COL24A1: variants seen among roughly 807,000 people sequenced by gnomAD.
The protein encoded by COL24A1 is collagen alpha-1(XXIV) chain.
Under a neutral mutation model 253.9 loss-of-function variants are expected in COL24A1, and 224 were observed. The ratio of observed to expected loss-of-function variants is 0.88; its 90% CI spans 0.79 to 0.99. The LOEUF is 0.99. Among genes scored for constraint, COL24A1 ranks in the 50% least tolerant of loss-of-function variants. The pLI is 0.00. For missense variants in COL24A1, 2,131 were observed against 2,068.5 expected (o/e 1.03, Z -0.59); for synonymous variants, 685 against 673.7 (o/e 1.02, Z -0.26).
At chr1:86,022,422 T>C in intron 17 of COL24A1, 116 bp downstream of exon 17, 1 of 1,356,818 alleles carries the variant, frequency 7.4e-7, no homozygotes, top group South Asian at 1.2e-5. Context: ...AAACAAGAAC[T>C]TAAAACCATA....
At chr1:85,854,285 T>C (rs1678159378) in intron 37 of COL24A1, among the ~76,000 whole-genome samples, 1 of 152,156 alleles carries the variant, frequency 6.6e-6, no homozygotes, top group African/African-American at 2.4e-5. Flanking sequence ...GTTGTGTGGC[T>C]TTATTTCTCG....
intron 5 of COL24A1, among the ~76,000 whole-genome samples, chr1:86,110,868 G>T (rs1451909369): frequency 6.6e-6 from 1 of 150,828 alleles, no homozygotes; most frequent in African/African-American, 2.4e-5. Flanking sequence ...CCTCCCCAGT[G>T]GGGGCTCCAC....
In COL24A1 at chr1:85,842,403, A is replaced by G. The variant is rs1216472182; in HGVS notation, c.3463-10T>C. On this transcript the variant is annotated splice_polypyrimidine_tract_variant and intron_variant, in intron 39 of 59. Transcript: ENST00000370571. ...TCAATCCTAAATGTCCCTGAAAAACAAAGTAAATATTAGTGAGAGAGAGAA... is the reference window on the plus strand; with the variant it reads ...TCAATCCTAAATGTCCCTGAAAAACGAAGTAAATATTAGTGAGAGAGAGAA... The G allele has an allele frequency of 6.3e-7, 1 of 1,575,598 alleles. No individual in the cohort carries two copies. Among genetic ancestry groups the G allele is most frequent in the East Asian group, 2.2e-5 (1 of 44,632 alleles).
chr1:85,909,844 A>G (rs1206712795), intron 26 of COL24A1, 106 bp downstream of exon 26: 2 of 907,156 alleles, frequency 2.2e-6, no homozygotes, highest in African/African-American at 3.3e-5. Flanking sequence ...GGGAAATTTA[A>G]CATTTTTTAC....
chr1:86,117,705 T>C (rs1277525785), intron 3 of COL24A1, among the ~76,000 whole-genome samples: 1 of 152,240 alleles, frequency 6.6e-6, no homozygotes, highest in Non-Finnish European at 1.5e-5. Flanking sequence ...AGAAGAATCA[T>C]AATTTTTATA....
intron 19 of COL24A1, among the ~76,000 whole-genome samples, chr1:86,015,651 T>A (rs1167516982): frequency 6.6e-6 from 1 of 152,138 alleles, no homozygotes; most frequent in African/African-American, 2.4e-5. Flanking sequence ...AGATTCTGTA[T>A]CCTCAGTATG....
intron 47 of COL24A1, among the ~76,000 whole-genome samples, chr1:85,804,863 T>C (rs1258510211): frequency 6.6e-6 from 1 of 152,140 alleles, no homozygotes; most frequent in Admixed American, 6.5e-5. Context: ...CTCTTTTTTT[T>C]TTTTTTAGGA....
intron 7 of COL24A1, among the ~76,000 whole-genome samples, chr1:86,067,157 A>T (rs1701557629): frequency 6.6e-6 from 1 of 152,070 alleles, no homozygotes. Context: ...AGAAAAAAAA[A>T]AAAAGAGTTA....
At chr1:85,878,001 T>C (rs2102624887) in intron 32 of COL24A1, among the ~76,000 whole-genome samples, 1 of 152,336 alleles carries the variant, frequency 6.6e-6, no homozygotes, top group South Asian at 2.1e-4. Flanking sequence ...TACTGACTTC[T>C]TTAACTTAGC....
chr1:86,151,660 G>C (rs543502682), intron 1 of COL24A1, among the ~76,000 whole-genome samples: 2 of 152,140 alleles, frequency 1.3e-5, no homozygotes, highest in Non-Finnish European at 2.9e-5. Flanking sequence ...TCCAGGCATC[G>C]TTCCTAGATG....
intron 7 of COL24A1, among the ~76,000 whole-genome samples, chr1:86,071,670 AG>A (rs1461568757): frequency 6.6e-6 from 1 of 152,220 alleles, no homozygotes; most frequent in Admixed American, 6.5e-5. Context: ...ATTATAACAA[AG>A]GGGTCAATTC....
rs71075861 is a variant in COL24A1 at position 85,764,455 on chromosome 1, TACACACACACACACAC to T, written c.4375-2905_4375-2890del. On this transcript the variant is annotated intron_variant, in intron 53 of 59. Coordinates refer to ENST00000370571, the MANE Select transcript of COL24A1 (RefSeq NM_152890.7). ...GGCTACTCTTGATCTAGGTGGAGGA[TACACACACACACACAC>T]ACACACACACACACACACACACACA... Among the ~76,000 whole-genome samples, 1,139 of 137,314 alleles carry T rather than the reference TACACACACACACACAC, an allele frequency of 8.3e-3. 15 individuals are homozygous for T. The highest frequency in any genetic ancestry group is 0.027 in the African/African-American group (970 of 36,492). The allele number at this position is 137,314 out of a possible 152,430, so 90.1% of individuals were successfully genotyped here.
chr1:85,947,817 T>G (rs1689475367), intron 24 of COL24A1, among the ~76,000 whole-genome samples: 1 of 152,198 alleles, frequency 6.6e-6, no homozygotes, highest in Admixed American at 6.5e-5. Flanking sequence ...TTCATTTCTG[T>G]CAGCAGTACA....
chr1:85,942,884 G>A (rs986640877), intron 24 of COL24A1, among the ~76,000 whole-genome samples: 1 of 152,130 alleles, frequency 6.6e-6, no homozygotes, highest in African/African-American at 2.4e-5. Context: ...ATGAGGGGTA[G>A]ACTCGACTTA....
At chr1:85,822,852 T>G (rs1471113126) in intron 45 of COL24A1, among the ~76,000 whole-genome samples, 1 of 152,178 alleles carries the variant, frequency 6.6e-6, no homozygotes, top group African/African-American at 2.4e-5. Flanking sequence ...ATCCCCCAGT[T>G]GATGTCTGAT....
intron 52 of COL24A1, among the ~76,000 whole-genome samples, chr1:85,779,624 G>A (rs1668952461): frequency 2.0e-5 from 3 of 152,178 alleles, no homozygotes; most frequent in Non-Finnish European, 2.9e-5. Context: ...CTTTGGTTCA[G>A]GGTTCCTATT....
At chr1:85,975,935 C>A (rs1203620330) in intron 20 of COL24A1, among the ~76,000 whole-genome samples, 1 of 152,130 alleles carries the variant, frequency 6.6e-6, no homozygotes, top group African/African-American at 2.4e-5. Flanking sequence ...GTAGAAGCAG[C>A]AGCAGGAAGA....
intron 19 of COL24A1, among the ~76,000 whole-genome samples, chr1:86,007,248 C>T (rs1216667217): frequency 6.6e-6 from 1 of 152,052 alleles, no homozygotes; most frequent in African/African-American, 2.4e-5. Flanking sequence ...CCACCACCAC[C>T]ACCACCACCA....
rs752256429 is a variant in COL24A1 at position 85,971,289 on chromosome 1, A to T, written c.2418+51T>A. The stretch of plus-strand genomic sequence containing the variant: ...GGCCCACAATAAATAAAAAGGGAAA[A>T]TTTTAACTAAAAACCTTGCTGAAGC... On this transcript the variant is annotated intron_variant, in intron 21 of 59. Coordinates refer to ENST00000370571, the MANE Select transcript of COL24A1 (RefSeq NM_152890.7). 1.5e-5 allele frequency: 23 copies of T among 1,526,946 alleles called. No individual in the cohort carries two copies. In the East Asian group the frequency reaches 4.7e-4, roughly 32 times the overall value. 94.6% of individuals were successfully genotyped at this position (1,526,946 alleles called of 1,614,324 possible).
Sources: gnomAD v4.1 joint callset for allele counts (sites outside exome capture counted in the v4.1 genomes callset) on GRCh38, gnomAD v4.1.1 for gene constraint, MANE v1.5 for transcripts, NCBI Gene and HGNC (gene_info 2026-07-23, HGNC 2026-07-21) for gene names.